The following PABPC4 variants were observed in gnomAD, a reference collection of about 807,000 sequenced individuals.
The protein encoded by PABPC4 is polyadenylate-binding protein 4.
Under a neutral mutation model 74.5 loss-of-function variants are expected in PABPC4, and 15 were observed. The ratio of observed to expected loss-of-function variants is 0.20; its 90% CI spans 0.13 to 0.31. The LOEUF is 0.31. Ranked by LOEUF, PABPC4 falls within the 10% of genes least tolerant of loss-of-function variation. The pLI is 1.00. For missense variants in PABPC4, 610 were observed against 853.5 expected (o/e 0.71, Z 3.55); for synonymous variants, 345 against 303.0 (o/e 1.14, Z -1.44).
chr1:39,562,222 A>C lies in PABPC4; in HGVS notation c.1763-19T>G. The stretch of plus-strand genomic sequence containing the variant: ...CGTTCTCCTATGGGGAGGATAGTTA[A>C]TAAAAAAACAAATCAAATCCCAGTA... On this transcript the variant is annotated intron_variant, in intron 13 of 15. Coordinates refer to ENST00000372858, the MANE Select transcript of PABPC4 (RefSeq NM_001135653.2). The C allele has an allele frequency of 1.2e-6, 2 of 1,614,032 alleles. No individual in the cohort carries two copies. The highest frequency in any genetic ancestry group is 1.7e-6 in the Non-Finnish European group (2 of 1,179,892).
intron 1 of PABPC4, 150 bp from the exon 2 acceptor site, chr1:39,572,736 A>G: frequency 1.7e-6 from 1 of 571,994 alleles, no homozygotes; most frequent in South Asian, 2.7e-5. Context: ...AGATTCCTCC[A>G]GCCTGCACTG....
At chr1:39,565,827 C>CCAAAACAAAACAAAACAAAA (rs60293495) in intron 7 of PABPC4, among the ~76,000 whole-genome samples, 2 of 148,176 alleles carry the variant, frequency 1.3e-5, no homozygotes, top group African/African-American at 5.2e-5. Context: ...GACTCCATCT[C>CCAAAACAAAACAAAACAAAA]CAAAACAAAA....
intron 15 of PABPC4, 126 bp downstream of exon 15, chr1:39,561,555 GTAAC>G (rs1452340092): frequency 6.8e-5 from 45 of 660,846 alleles, no homozygotes; most frequent in Non-Finnish European, 1.1e-4. Context: ...CACACTCCGT[GTAAC>G]TAACTGTACT....
At position 39,576,684 on chromosome 1, in the gene PABPC4, T is replaced by C. The variant is rs1557722811; in HGVS notation, c.-733A>G. 1.3e-5 allele frequency: 2 copies of C among 149,454 alleles called. No homozygotes were observed. The highest frequency in any genetic ancestry group is 2.1e-4 in the South Asian group (1 of 4,828). 9.3% of individuals were successfully genotyped at this position (149,454 alleles called of 1,614,324 possible). A position where few individuals can be genotyped will look rare whatever the true frequency, so the allele number is the denominator to read the frequency against. ...CGTTTTTTCTTTTCCTTTTTTTTTT[T>C]CAGGATTTTGAAGCGTTTTCAGATT... On this transcript the variant is annotated 5_prime_UTR_variant, in exon 1 of 16. Transcript: ENST00000372858.
chr1:39,563,806 T>C (rs761170989), intron 11 of PABPC4, 30 bp downstream of exon 11: 1 of 1,614,102 alleles, frequency 6.2e-7, no homozygotes, highest in Admixed American at 1.7e-5. Flanking sequence ...AAATCCCATC[T>C]TTCCCCCTTC....
At chr1:39,565,989 C>G (rs902103363) in intron 7 of PABPC4, among the ~76,000 whole-genome samples, 1 of 152,194 alleles carries the variant, frequency 6.6e-6, no homozygotes, top group Admixed American at 6.5e-5. Flanking sequence ...CTGCTGCAGT[C>G]ACTGAGTCTA....
intron 5 of PABPC4, 177 bp downstream of exon 5, chr1:39,569,418 A>G (rs757183992): frequency 1.5e-5 from 9 of 609,548 alleles, no homozygotes; most frequent in South Asian, 1.2e-4. Context: ...AGTGCTTTGT[A>G]AACACCTACA....
At chr1:39,561,660 C>T (rs200367192) in intron 15 of PABPC4, 25 bp downstream of exon 15, 2 of 1,540,470 alleles carry the variant, frequency 1.3e-6, no homozygotes, top group African/African-American at 2.7e-5. Flanking sequence ...CTCATAGGAA[C>T]AAAAATGAAA....
intron 1 of PABPC4, among the ~76,000 whole-genome samples, chr1:39,572,916 T>C (rs1230733228): frequency 6.6e-6 from 1 of 152,190 alleles, no homozygotes; most frequent in African/African-American, 2.4e-5. Context: ...GACTAAGCTT[T>C]ACCACTTAGA....
chr1:39,573,675 T>C (rs1015127493), intron 1 of PABPC4, among the ~76,000 whole-genome samples: 1 of 152,080 alleles, frequency 6.6e-6, no homozygotes, highest in Non-Finnish European at 1.5e-5. Flanking sequence ...CACAATTAGC[T>C]GGGCATGGTG....
chr1:39,563,955 G>C (rs370507865), intron 10 of PABPC4, 33 bp from the exon 11 acceptor site: 2 of 1,598,034 alleles, frequency 1.3e-6, no homozygotes, highest in African/African-American at 2.7e-5. Context: ...CATCAGTGTT[G>C]GCGGCAGATG....
Position 39,575,712 on chromosome 1 carries a change from G to A in PABPC4, c.193+47C>T, listed in dbSNP as rs758711404. ...AGGGCCCTGCCAGAAGACGACTCCCGGGGTCCTCCGGGCTCCCACGCACGT... is the reference window on the plus strand; with the variant it reads ...AGGGCCCTGCCAGAAGACGACTCCCAGGGTCCTCCGGGCTCCCACGCACGT... On this transcript the variant is annotated intron_variant, in intron 1 of 15. Coordinates refer to ENST00000372858, the MANE Select transcript of PABPC4 (RefSeq NM_001135653.2). 6.2e-6 allele frequency: 9 copies of A among 1,450,084 alleles called. 1 individual carries two copies. The South Asian group carries it at 8.3e-5, about 13-fold the overall frequency. 89.8% of individuals were successfully genotyped at this position (1,450,084 alleles called of 1,614,324 possible).
At chr1:39,574,109 C>CG (rs1230354811) in intron 1 of PABPC4, among the ~76,000 whole-genome samples, 1 of 152,058 alleles carries the variant, frequency 6.6e-6, no homozygotes, top group African/African-American at 2.4e-5. Flanking sequence ...TTTCATTAGC[C>CG]GGGAGAATTT....
At position 39,575,965 on chromosome 1, in the gene PABPC4, ACCACCCCGAGCCCCG is replaced by A. The variant is rs1166817925; in HGVS notation, c.-29_-15del. The A allele has an allele frequency of 2.1e-6, 3 of 1,398,220 alleles. No individual in the cohort carries two copies. The highest frequency in any genetic ancestry group is 4.0e-5 in the Admixed American group (2 of 50,628). 86.6% of individuals were successfully genotyped at this position (1,398,220 alleles called of 1,614,324 possible). ...CGCAGCGTTCATCTCCCCGCCCCCC[ACCACCCCGAGCCCCG>A]CCAGGAGGACTTCTTATCGGGCCCG... On this transcript the variant is annotated 5_prime_UTR_variant, in exon 1 of 16. Coordinates refer to ENST00000372858, the MANE Select transcript of PABPC4 (RefSeq NM_001135653.2).
At chr1:39,570,919 C>G (rs1276929723) in intron 3 of PABPC4, among the ~76,000 whole-genome samples, 1 of 152,224 alleles carries the variant, frequency 6.6e-6, no homozygotes, top group Admixed American at 6.5e-5. Flanking sequence ...TGCCGCTGGC[C>G]AAGACCCCGA....
Position 39,565,310 on chromosome 1 carries a change from G to C in PABPC4, c.1041C>G (p.Thr347=), listed in dbSNP as rs563679022. The stretch of plus-strand genomic sequence containing the variant: ...GTCCATTCATCTCAGTGACTGCTTT[G>C]GTTGCTTCTTCAGGAGATGAGAAGC... ...FVCFSSPEEA[T]KAVTEMNGRI... is the part of the protein sequence containing the mutation. Residue 347 remains threonine (T), a synonymous_variant, in exon 8 of 16, where the codon ACC becomes ACG. Coordinates refer to ENST00000372858, the MANE Select transcript of PABPC4 (RefSeq NM_001135653.2). 2 of 1,614,062 alleles carry C rather than the reference G, an allele frequency of 1.2e-6. No homozygotes were observed. Among genetic ancestry groups the C allele is most frequent in the Admixed American group, 3.3e-5 (2 of 60,018 alleles).
At chr1:39,566,403 C>T (rs1376632052) in intron 7 of PABPC4, among the ~76,000 whole-genome samples, 1 of 152,200 alleles carries the variant, frequency 6.6e-6, no homozygotes, top group African/African-American at 2.4e-5. Flanking sequence ...ATTCTAGTCT[C>T]ACTTGCCTTC....
chr1:39,563,895 A>G lies in PABPC4; in HGVS notation c.1481T>C (p.Met494Thr). 4 of 1,614,230 alleles carry G rather than the reference A, an allele frequency of 2.5e-6. No individual in the cohort carries two copies. In the Middle Eastern group the frequency reaches 4.9e-4, roughly 200 times the overall value. ...GGCGGCACCAGCCCCACCAAAGTCCATAGCCAAGCGGTCCGGGCACTCAGA... is the reference window on the plus strand; with the variant it reads ...GGCGGCACCAGCCCCACCAAAGTCCGTAGCCAAGCGGTCCGGGCACTCAGA... ...VGSECPDRLAMDFGGAGAAQQ... is the reference protein window; with the variant it reads ...VGSECPDRLATDFGGAGAAQQ... The change falls in exon 11 of 16, where the codon ATG becomes ACG. Residue 494 changes from methionine to threonine, a missense_variant. Physicochemically the swap from Met to Thr is moderately conservative, Grantham distance 81 (BLOSUM62 -1). This residue lies in a region of PABPC4 where 277 missense variants were observed against 301.8 expected (regional missense o/e 0.92). Coordinates refer to ENST00000372858, the MANE Select transcript of PABPC4 (RefSeq NM_001135653.2).
intron 7 of PABPC4, chr1:39,567,230 G>A: frequency 2.9e-6 from 1 of 342,046 alleles, no homozygotes; most frequent in East Asian, 7.2e-5. Flanking sequence ...TAGTTGATAT[G>A]ATTATCAAAG....
Sources: allele counts gnomAD v4.1 joint callset (sites outside exome capture counted in the v4.1 genomes callset), GRCh38; gene constraint gnomAD v4.1.1; regional missense constraint gnomAD v4.1.1; transcripts MANE v1.5; gene names NCBI Gene and HGNC (gene_info 2026-07-23, HGNC 2026-07-21).